The following CPA6 variants were observed in gnomAD, a reference collection of about 807,000 sequenced individuals.
CPA6 encodes the protein carboxypeptidase A6, also known as carboxypeptidase B.
In CPA6, 58 loss-of-function variants were observed where a neutral mutation model predicts 63.3. The ratio of observed to expected loss-of-function variants is 0.92; its 90% CI spans 0.74 to 1.14. The LOEUF (loss-of-function observed/expected upper bound fraction) is 1.14, where lower values mean the gene tolerates loss of function less well. CPA6 is among the 50% of genes most tolerant of loss of function. CPA6 has a pLI of 0.00. For synonymous variants in CPA6, 185 were observed against 179.0 expected (o/e 1.03, Z -0.27); for missense variants, 565 against 526.6 (o/e 1.07, Z -0.71).
chr8:67,446,495 C>T (rs1027285107), intron 8 of CPA6, among the ~76,000 whole-genome samples: 3 of 151,604 alleles, frequency 2.0e-5, no homozygotes, highest in African/African-American at 7.3e-5. Context: ...TAGAAAAGAA[C>T]AATCGAGATC....
chr8:67,512,798 A>G (rs935006538), intron 3 of CPA6, among the ~76,000 whole-genome samples: 2 of 152,236 alleles, frequency 1.3e-5, no homozygotes, highest in African/African-American at 4.8e-5. Context: ...AGAACATATA[A>G]TGGCATCTTT....
chr8:67,532,001 A>G (rs1331670951), intron 2 of CPA6, among the ~76,000 whole-genome samples: 1 of 152,226 alleles, frequency 6.6e-6, no homozygotes, highest in Non-Finnish European at 1.5e-5. Flanking sequence ...TAAATGTAAC[A>G]TTTCAAAGAG....
intron 1 of CPA6, among the ~76,000 whole-genome samples, chr8:67,642,682 C>G (rs1303350458): frequency 1.3e-5 from 2 of 151,934 alleles, no homozygotes; most frequent in African/African-American, 2.4e-5. Flanking sequence ...GAAACATGAT[C>G]CATGACAGGG....
intron 2 of CPA6, among the ~76,000 whole-genome samples, chr8:67,577,075 G>A (rs868606316): frequency 6.6e-6 from 1 of 152,118 alleles, no homozygotes; most frequent in African/African-American, 2.4e-5. Context: ...GGCTGACCTC[G>A]AACTCCTGGC....
chr8:67,459,677 T>A (rs1328020633), intron 8 of CPA6, among the ~76,000 whole-genome samples: 7 of 152,174 alleles, frequency 4.6e-5, no homozygotes, highest in Non-Finnish European at 1.0e-4. Flanking sequence ...TGTAAGATAC[T>A]ATATTGAGGG....
In CPA6 at chr8:67,739,866, A is replaced by G. The variant is rs572839142; in HGVS notation, c.116+6148T>C. 3.3e-5 allele frequency among the ~76,000 whole-genome samples: 5 copies of G among 152,320 alleles called. No individual in the cohort carries two copies. In the East Asian group the frequency reaches 9.6e-4, roughly 29 times the overall value. On this transcript the variant is annotated intron_variant, in intron 1 of 10. Transcript: ENST00000297770. ...GCTCATCAATATGAGAAAGGACTAGAGAATGGCAGATCAGTTAGGAGAGAA... is the reference window on the plus strand; with the variant it reads ...GCTCATCAATATGAGAAAGGACTAGGGAATGGCAGATCAGTTAGGAGAGAA...
chr8:67,439,817 G>A (rs1463125484), intron 8 of CPA6, among the ~76,000 whole-genome samples: 2 of 151,838 alleles, frequency 1.3e-5, no homozygotes, highest in Non-Finnish European at 2.9e-5. Flanking sequence ...ATAGAGATGA[G>A]GTCTTGCTAT....
chr8:67,666,541 C>T (rs546297405), intron 1 of CPA6, among the ~76,000 whole-genome samples: 14 of 152,234 alleles, frequency 9.2e-5, no homozygotes, highest in African/African-American at 3.4e-4. Flanking sequence ...TTCCCCTTGG[C>T]TCCTCTTTGC....
intron 1 of CPA6, among the ~76,000 whole-genome samples, chr8:67,625,325 G>T (rs1469271495): frequency 6.6e-6 from 1 of 152,124 alleles, no homozygotes; most frequent in Non-Finnish European, 1.5e-5. Flanking sequence ...AACCACAAAG[G>T]TTTTACCACA....
Position 67,592,872 on chromosome 8 carries a change from G to A in CPA6, c.192+31304C>T, listed in dbSNP as rs1460001042. Among the ~76,000 whole-genome samples the A allele has an allele frequency of 1.6e-4, 25 of 152,016 alleles. No homozygotes were observed. The East Asian group carries it at 4.6e-3, about 28-fold the overall frequency. ...ATTAATTTTTTGAAGGGTTTTTTGTGTCTCTATTTCCTTCATTTCTGCTCT... is the reference window on the plus strand; with the variant it reads ...ATTAATTTTTTGAAGGGTTTTTTGTATCTCTATTTCCTTCATTTCTGCTCT... On this transcript the variant is annotated intron_variant, in intron 2 of 10. Coordinates refer to ENST00000297770, the MANE Select transcript of CPA6 (RefSeq NM_020361.5).
chr8:67,557,902 G>A (rs1052325011), intron 2 of CPA6, among the ~76,000 whole-genome samples: 2 of 152,126 alleles, frequency 1.3e-5, no homozygotes, highest in Admixed American at 6.5e-5. Flanking sequence ...GACCCTCCCC[G>A]TCCCTAGAGG....
intron 8 of CPA6, among the ~76,000 whole-genome samples, chr8:67,475,234 G>A (rs768570745): frequency 8.5e-5 from 13 of 152,266 alleles, no homozygotes; most frequent in Non-Finnish European, 1.6e-4. Context: ...GGTAAGTTCC[G>A]GAGAATCAAG....
In CPA6 at chr8:67,437,934, G is replaced by T. The variant is rs538725033; in HGVS notation, c.839-3694C>A. On this transcript the variant is annotated intron_variant, in intron 8 of 10. Transcript: ENST00000297770. ...ATTCTTTTTTTCTGGGGGGTGGGGG[G>T]TGATGGAGTCTTGCTCAGTCGCTCA... Among the ~76,000 whole-genome samples the T allele has an allele frequency of 3.3e-5, 5 of 150,560 alleles. No individual in the cohort carries two copies. The East Asian group carries it at 7.8e-4, about 23-fold the overall frequency.
chr8:67,611,503 CT>C (rs1433528536), intron 2 of CPA6, among the ~76,000 whole-genome samples: 2 of 152,208 alleles, frequency 1.3e-5, no homozygotes, highest in Non-Finnish European at 2.9e-5. Flanking sequence ...ATCACCACAT[CT>C]CTGGACCAGC....
chr8:67,618,106 C>T (rs1225183981), intron 2 of CPA6, among the ~76,000 whole-genome samples: 3 of 152,088 alleles, frequency 2.0e-5, no homozygotes, highest in African/African-American at 7.2e-5. Flanking sequence ...ACAATGGTGC[C>T]CAGATTAGCA....
chr8:67,545,580 T>TG (rs1554672936), intron 2 of CPA6, among the ~76,000 whole-genome samples: 2 of 125,634 alleles, frequency 1.6e-5, no homozygotes, highest in African/African-American at 2.6e-5. Flanking sequence ...TTTTTTTTTT[T>TG]TTTTGAGATG....
Position 67,428,054 on chromosome 8 carries a change from T to C in CPA6, c.1119A>G (p.Thr373=), listed in dbSNP as rs544472283. Residue 373 remains threonine, a synonymous_variant, in exon 10 of 11, where the codon ACA becomes ACG. Coordinates refer to ENST00000297770, the MANE Select transcript of CPA6 (RefSeq NM_020361.5). ...TGTACGCAGGAAACTTACACAACGTTGTGGAGGCTGGTCCATATCTGTATC... is the reference window on the plus strand; with the variant it reads ...TGTACGCAGGAAACTTACACAACGTCGTGGAGGCTGGTCCATATCTGTATC... The part of the protein sequence containing the change: ...GVRYRYGPAS[T]TLYVSSGSSM... The C allele has an allele frequency of 6.2e-7, 1 of 1,607,526 alleles. No individual in the cohort carries two copies. The highest frequency in any genetic ancestry group is 1.7e-5 in the Admixed American group (1 of 59,906).
chr8:67,589,961 C>T (rs1356651067), intron 2 of CPA6, among the ~76,000 whole-genome samples: 1 of 151,658 alleles, frequency 6.6e-6, no homozygotes, highest in African/African-American at 2.4e-5. Flanking sequence ...CATATGTATA[C>T]ATGTGCCATG....
At chr8:67,471,220 G>C (rs530833970) in intron 8 of CPA6, among the ~76,000 whole-genome samples, 2 of 152,130 alleles carry the variant, frequency 1.3e-5, no homozygotes, top group African/African-American at 4.8e-5. Flanking sequence ...TCTTTCCCTA[G>C]ACTTCCTCCC....
Sources: allele counts gnomAD v4.1 joint callset (sites outside exome capture counted in the v4.1 genomes callset), GRCh38; gene constraint gnomAD v4.1.1; transcripts MANE v1.5; gene names NCBI Gene and HGNC (gene_info 2026-07-23, HGNC 2026-07-21).